The following PID1 variants were observed in gnomAD, a reference collection of about 807,000 sequenced individuals.
PID1 encodes PTB-containing, cubilin and LRP1-interacting protein.
In PID1, 10 loss-of-function variants were observed where a neutral mutation model predicts 19.1. The ratio of observed to expected loss-of-function variants is 0.52; its 90% CI spans 0.32 to 0.89. The LOEUF is 0.89. Ranked by LOEUF, PID1 falls within the 40% of genes least tolerant of loss-of-function variation. PID1 has a pLI of 0.03. For synonymous variants in PID1, 130 were observed against 116.0 expected (o/e 1.12, Z -0.78); for missense variants, 248 against 285.3 (o/e 0.87, Z 0.94).
At chr2:229,217,390 G>A (rs929030024) in intron 1 of PID1, among the ~76,000 whole-genome samples, 4 of 152,174 alleles carry the variant, frequency 2.6e-5, no homozygotes, top group Admixed American at 6.5e-5. Context: ...GCATCAAGAA[G>A]AAATTCAGTC....
At chr2:229,139,027 GA>G (rs778524265) in intron 2 of PID1, among the ~76,000 whole-genome samples, 3 of 79,368 alleles carry the variant, frequency 3.8e-5, no homozygotes, top group South Asian at 8.5e-4. Context: ...AAGAAAGAAA[GA>G]AAGAAAGAAA....
chr2:229,068,738 G>A (rs544528568), intron 2 of PID1, among the ~76,000 whole-genome samples: 5 of 152,186 alleles, frequency 3.3e-5, no homozygotes, highest in Non-Finnish European at 7.4e-5. Flanking sequence ...CCGCCCGCAA[G>A]GGTATCCAAT....
At chr2:229,229,186 C>T (rs115972440) in intron 1 of PID1, among the ~76,000 whole-genome samples, 17 of 152,180 alleles carry the variant, frequency 1.1e-4, no homozygotes, top group Middle Eastern at 3.4e-3. Context: ...AATAAATGAC[C>T]GGCAATAAAG....
intron 2 of PID1, among the ~76,000 whole-genome samples, chr2:229,075,279 A>G (rs1694535305): frequency 6.6e-6 from 1 of 152,248 alleles, no homozygotes; most frequent in Non-Finnish European, 1.5e-5. Context: ...GGTGAAGTAA[A>G]AAATCGTAAG....
intron 1 of PID1, among the ~76,000 whole-genome samples, chr2:229,203,407 A>T (rs1316214851): frequency 3.3e-5 from 5 of 152,130 alleles, no homozygotes; most frequent in Non-Finnish European, 7.4e-5. Flanking sequence ...AACATACAGC[A>T]GGTCCTCAAG....
intron 2 of PID1, among the ~76,000 whole-genome samples, chr2:229,030,136 T>C (rs1387552688): frequency 1.3e-5 from 2 of 152,206 alleles, no homozygotes; most frequent in Non-Finnish European, 2.9e-5. Flanking sequence ...GACATTATGC[T>C]AAGTAAAATA....
At chr2:229,123,464 T>G (rs149281841) in intron 2 of PID1, among the ~76,000 whole-genome samples, 52 of 152,378 alleles carry the variant, frequency 3.4e-4, no homozygotes, top group African/African-American at 1.2e-3. Context: ...CTGGCTATTA[T>G]GAATAATGTT....
At chr2:229,033,577 G>A (rs2106167495) in intron 2 of PID1, among the ~76,000 whole-genome samples, 1 of 152,244 alleles carries the variant, frequency 6.6e-6, no homozygotes, top group South Asian at 2.1e-4. Flanking sequence ...AATATCTAAT[G>A]TAGATGATGG....
At chr2:229,164,758 A>C (rs970884094) in intron 1 of PID1, among the ~76,000 whole-genome samples, 4 of 152,184 alleles carry the variant, frequency 2.6e-5, no homozygotes, top group African/African-American at 7.2e-5. Flanking sequence ...TCCTGCCTTG[A>C]AACAGTTTGC....
intron 1 of PID1, among the ~76,000 whole-genome samples, chr2:229,203,114 C>T (rs1691533448): frequency 6.6e-6 from 1 of 152,096 alleles, no homozygotes; most frequent in African/African-American, 2.4e-5. Context: ...AGAAAGACAT[C>T]TCCACTTTTT....
chr2:229,245,836 T>G (rs1037277094), intron 1 of PID1, among the ~76,000 whole-genome samples: 3 of 152,128 alleles, frequency 2.0e-5, no homozygotes, highest in Non-Finnish European at 2.9e-5. Context: ...CCCTGAAAAT[T>G]TCCCAATTCC....
chr2:229,111,534 G>T (rs1695298743), intron 2 of PID1, among the ~76,000 whole-genome samples: 1 of 152,054 alleles, frequency 6.6e-6, no homozygotes, highest in South Asian at 2.1e-4. Context: ...AAAGTGATGG[G>T]GGAAAGATAT....
intron 2 of PID1, among the ~76,000 whole-genome samples, chr2:229,129,797 G>A (rs1207233863): frequency 1.3e-5 from 2 of 152,132 alleles, no homozygotes; most frequent in Non-Finnish European, 2.9e-5. Flanking sequence ...GGCAGGGGCT[G>A]ACTGCATGAG....
chr2:229,157,084 G>A (rs1690388424), intron 1 of PID1, among the ~76,000 whole-genome samples: 1 of 152,088 alleles, frequency 6.6e-6, no homozygotes, highest in Non-Finnish European at 1.5e-5. Context: ...ACAGACTCAT[G>A]CCTCGCTTCA....
At chr2:229,122,595 C>T (rs1695545494) in intron 2 of PID1, among the ~76,000 whole-genome samples, 1 of 152,140 alleles carries the variant, frequency 6.6e-6, no homozygotes, top group South Asian at 2.1e-4. Context: ...TCCAGCATCA[C>T]ACAGCCAGTC....
intron 1 of PID1, among the ~76,000 whole-genome samples, chr2:229,187,094 A>G (rs1474980559): frequency 5.3e-5 from 8 of 152,192 alleles, no homozygotes; most frequent in Non-Finnish European, 1.2e-4. Context: ...ATCTGAGACC[A>G]TCTCAGCCTG....
At position 229,152,417 on chromosome 2, in the gene PID1, A is replaced by G. The variant is rs182230020; in HGVS notation, c.177+3401T>C. Among the ~76,000 whole-genome samples, 195 of 152,256 alleles carry G rather than the reference A, an allele frequency of 1.3e-3. No individual in the cohort carries two copies. In the Middle Eastern group the frequency reaches 0.014, roughly 11 times the overall value. ...ATAGGTTGCATCCCCCACAATACCTATTTTTATTCCTTTTTCCACAATACC... is the reference window on the plus strand; with the variant it reads ...ATAGGTTGCATCCCCCACAATACCTGTTTTTATTCCTTTTTCCACAATACC... On this transcript the variant is annotated intron_variant, in intron 2 of 2. Coordinates refer to ENST00000392055, the MANE Select transcript of PID1 (RefSeq NM_001100818.2).
intron 1 of PID1, among the ~76,000 whole-genome samples, chr2:229,233,580 C>T (rs1381560311): frequency 1.3e-5 from 2 of 151,968 alleles, no homozygotes; most frequent in Non-Finnish European, 2.9e-5. Flanking sequence ...CAACCTCCAC[C>T]TCCCGGGTTC....
chr2:229,251,252 T>C (rs888466276), intron 1 of PID1, among the ~76,000 whole-genome samples: 9 of 143,364 alleles, frequency 6.3e-5, no homozygotes, highest in Admixed American at 1.5e-4. Flanking sequence ...TGAAAAGTAA[T>C]TGAAATATTT....
Sources: gnomAD v4.1 joint callset for allele counts (sites outside exome capture counted in the v4.1 genomes callset) on GRCh38, gnomAD v4.1.1 for gene constraint, MANE v1.5 for transcripts, NCBI Gene and HGNC (gene_info 2026-07-23, HGNC 2026-07-21) for gene names.